MMP16: variants seen among roughly 807,000 people sequenced by gnomAD.
MMP16 encodes the protein matrix metallopeptidase 16.
Under a neutral mutation model 67.8 loss-of-function variants are expected in MMP16, and 12 were observed. That is an observed-to-expected ratio of 0.18 (90% CI 0.11 to 0.29). The LOEUF is 0.29. Among genes scored for constraint, MMP16 ranks in the 10% least tolerant of loss-of-function variants. The pLI is 1.00. For missense variants in MMP16, 475 were observed against 765.7 expected (o/e 0.62, Z 4.48); for synonymous variants, 249 against 255.9 (o/e 0.97, Z 0.26).
chr8:88,068,563 T>C (rs1808493208), intron 7 of MMP16, among the ~76,000 whole-genome samples: 1 of 152,164 alleles, frequency 6.6e-6, no homozygotes, highest in East Asian at 1.9e-4. Context: ...TTTCGTATAG[T>C]ACAGGATGTG....
chr8:88,273,113 T>C (rs1810592305), intron 1 of MMP16, among the ~76,000 whole-genome samples: 1 of 151,856 alleles, frequency 6.6e-6, no homozygotes, highest in African/African-American at 2.4e-5. Context: ...AGACAGAGTC[T>C]TGCTCTGTCG....
At chr8:88,103,960 T>C (rs1809191513) in intron 6 of MMP16, among the ~76,000 whole-genome samples, 1 of 151,818 alleles carries the variant, frequency 6.6e-6, no homozygotes, top group Non-Finnish European at 1.5e-5. Flanking sequence ...TAAATTATAT[T>C]ATTGAAACTT....
chr8:88,091,659 A>C (rs1808939619), intron 6 of MMP16, among the ~76,000 whole-genome samples: 1 of 151,870 alleles, frequency 6.6e-6, no homozygotes, highest in Admixed American at 6.6e-5. Context: ...TAGTAGTCCA[A>C]AGGTATAACT....
At chr8:88,157,160 T>C (rs1377292668) in intron 4 of MMP16, among the ~76,000 whole-genome samples, 1 of 152,070 alleles carries the variant, frequency 6.6e-6, no homozygotes, top group African/African-American at 2.4e-5. Flanking sequence ...ATGCAGTCAA[T>C]CAACCATGGA....
chr8:88,270,985 C>G (rs1810554534), intron 1 of MMP16, among the ~76,000 whole-genome samples: 1 of 152,126 alleles, frequency 6.6e-6, no homozygotes, highest in African/African-American at 2.4e-5. Context: ...CTACCCAGAC[C>G]TGGCATAGTG....
intron 6 of MMP16, among the ~76,000 whole-genome samples, chr8:88,114,863 C>G (rs1382508828): frequency 1.3e-5 from 2 of 151,936 alleles, no homozygotes; most frequent in East Asian, 3.9e-4. Context: ...GAAATAGCAG[C>G]TATTGCATTC....
intron 4 of MMP16, among the ~76,000 whole-genome samples, chr8:88,140,117 C>T (rs1340772042): frequency 6.6e-6 from 1 of 152,198 alleles, no homozygotes. Context: ...GCATTCTTCT[C>T]TAGACTTGAC....
intron 1 of MMP16, among the ~76,000 whole-genome samples, chr8:88,317,035 T>C (rs1403247082): frequency 6.6e-6 from 1 of 152,212 alleles, no homozygotes; most frequent in Non-Finnish European, 1.5e-5. Context: ...TTCTTACAGA[T>C]AAGCAAAGAG....
intron 4 of MMP16, among the ~76,000 whole-genome samples, chr8:88,129,828 A>G (rs1329952797): frequency 1.3e-5 from 2 of 151,624 alleles, no homozygotes; most frequent in Non-Finnish European, 3.0e-5. Context: ...TTCATAGACA[A>G]ACAAAAATTG....
chr8:88,204,685 T>TA (rs1192216131), intron 1 of MMP16, among the ~76,000 whole-genome samples: 4 of 152,134 alleles, frequency 2.6e-5, no homozygotes, highest in Non-Finnish European at 5.9e-5. Context: ...GGGTACATTT[T>TA]AAAAATTAAG....
chr8:88,152,717 AAAT>A (rs1475914056), intron 4 of MMP16, among the ~76,000 whole-genome samples: 2 of 38,292 alleles, frequency 5.2e-5, no homozygotes, highest in African/African-American at 2.3e-4. Context: ...ACGTATTTCA[AAAT>A]AATAAGAGCT....
At chr8:88,133,114 A>G (rs1475448912) in intron 4 of MMP16, among the ~76,000 whole-genome samples, 1 of 151,866 alleles carries the variant, frequency 6.6e-6, no homozygotes, top group Non-Finnish European at 1.5e-5. Context: ...AAAATGATCT[A>G]AACTGTAATG....
chr8:88,186,707 T>C lies in MMP16; in HGVS notation c.282-109A>G, dbSNP rs921775977. 1.5e-5 allele frequency: 22 copies of C among 1,431,024 alleles called. No individual in the cohort carries two copies. In the African/African-American group the frequency reaches 3.2e-4, roughly 21 times the overall value. 88.6% of individuals were successfully genotyped at this position (1,431,024 alleles called of 1,614,324 possible). ...CAATTAAGAGGTTAATCTGAGACAG[T>C]GATGATGAAAATGGCAAAATATAAA... On this transcript the variant is annotated intron_variant, in intron 2 of 9. Coordinates refer to ENST00000286614, the MANE Select transcript of MMP16 (RefSeq NM_005941.5).
intron 1 of MMP16, among the ~76,000 whole-genome samples, chr8:88,258,585 C>A (rs1443632995): frequency 6.6e-6 from 1 of 152,120 alleles, no homozygotes; most frequent in Non-Finnish European, 1.5e-5. Flanking sequence ...CAAAGTAGGC[C>A]TTTTAAGCAA....
chr8:88,267,860 T>C (rs1298831331), intron 1 of MMP16, among the ~76,000 whole-genome samples: 1 of 152,158 alleles, frequency 6.6e-6, no homozygotes, highest in Non-Finnish European at 1.5e-5. Flanking sequence ...GTCCCAAAAT[T>C]GACATCATAT....
chr8:88,313,305 C>T (rs531592735), intron 1 of MMP16, among the ~76,000 whole-genome samples: 1 of 152,218 alleles, frequency 6.6e-6, no homozygotes, highest in African/African-American at 2.4e-5. Context: ...TTTATTTTGC[C>T]TAAGTATCTG....
At chr8:88,053,365 C>T (rs1362956446) in intron 8 of MMP16, among the ~76,000 whole-genome samples, 1 of 152,158 alleles carries the variant, frequency 6.6e-6, no homozygotes, top group East Asian at 1.9e-4. Context: ...GGAGTTTTTG[C>T]ACTTTCCACC....
intron 6 of MMP16, among the ~76,000 whole-genome samples, chr8:88,078,480 T>C (rs1214401973): frequency 6.6e-6 from 1 of 152,164 alleles, no homozygotes; most frequent in Non-Finnish European, 1.5e-5. Context: ...GAGAACTATA[T>C]GGAAAAGGCC....
chr8:88,173,876 C>G (rs1808843974), intron 3 of MMP16, among the ~76,000 whole-genome samples: 1 of 152,110 alleles, frequency 6.6e-6, no homozygotes. Flanking sequence ...GCAGGGCAGA[C>G]TTAATTAAGT....
Sources: gnomAD v4.1 joint callset for allele counts (sites outside exome capture counted in the v4.1 genomes callset) on GRCh38, gnomAD v4.1.1 for gene constraint, MANE v1.5 for transcripts, NCBI Gene and HGNC (gene_info 2026-07-23, HGNC 2026-07-21) for gene names.